Variants in IHO1 observed in about 807,000 individuals in gnomAD.
The protein encoded by IHO1 is interactor of HORMAD1 1, also known as interactor of HORMAD1 protein 1.
In IHO1, 13 loss-of-function variants were observed where a neutral mutation model predicts 31.0. The observed-to-expected ratio is 0.42, with a 90% CI of 0.27 to 0.67. The LOEUF is 0.67. IHO1 is among the 30% of genes least tolerant of loss of function. The pLI, the probability that IHO1 is intolerant of heterozygous loss-of-function variation, is 0.24. For missense variants in IHO1, 599 were observed against 687.5 expected, an observed-to-expected ratio of 0.87 and a Z score of 1.44; for synonymous variants, 221 against 248.4, an observed-to-expected ratio of 0.89 and a Z score of 1.04.
At chr3:49,238,988 C>T (rs572575408) in intron 3 of IHO1, among the ~76,000 whole-genome samples, 7 of 152,282 alleles carry the variant, frequency 4.6e-5, no homozygotes, top group African/African-American at 7.2e-5. Context: ...TGAGTCAGCC[C>T]AGCAAGAGAA....
At chr3:49,241,061 A>G (rs1041347801) in intron 3 of IHO1, among the ~76,000 whole-genome samples, 165 bp from the exon 4 acceptor site, 1 of 152,242 alleles carries the variant, frequency 6.6e-6, no homozygotes, top group Non-Finnish European at 1.5e-5. Flanking sequence ...TTTATTTTAA[A>G]TATAATTTTC....
intron 2 of IHO1, 97 bp from the exon 3 acceptor site, chr3:49,236,451 T>C (rs941060007): frequency 5.2e-5 from 45 of 872,182 alleles, no homozygotes; most frequent in Non-Finnish European, 7.5e-5. Context: ...AAGCTATCAT[T>C]CTGCCCAAAA....
upstream of IHO1, chr3:49,198,872 CCTTTCT>C (rs1417350329): frequency 6.5e-6 from 1 of 152,914 alleles, no homozygotes; most frequent in Admixed American, 6.5e-5. Context: ...TTTCTTGCCT[CCTTTCT>C]CTTTCCTCCA....
Position 49,211,772 on chromosome 3 carries a change from C to T in IHO1, c.-9C>T. ...CACCTATTCTTTCTAATAGGTATAACTATAAGAAATGAATTTTAATGTCTG... is the reference window on the plus strand; with the variant it reads ...CACCTATTCTTTCTAATAGGTATAATTATAAGAAATGAATTTTAATGTCTG... On this transcript the variant is annotated 5_prime_UTR_variant, in exon 2 of 8. Transcript: ENST00000452691. 2 of 1,445,980 alleles carry T rather than the reference C, an allele frequency of 1.4e-6. No individual in the cohort carries two copies. Among genetic ancestry groups the T allele is most frequent in the Non-Finnish European group, 9.7e-7 (1 of 1,028,086 alleles). 89.6% of individuals were successfully genotyped at this position (1,445,980 alleles called of 1,614,324 possible).
chr3:49,255,534 C>A, intron 7 of IHO1, 41 bp downstream of exon 7: 3 of 1,108,748 alleles, frequency 2.7e-6, no homozygotes, highest in Non-Finnish European at 3.9e-6. Context: ...GTGTTTTGGG[C>A]TTTGAACTAG....
chr3:49,192,269 G>A, the IHO1 span, among the ~76,000 whole-genome samples: 10 of 152,192 alleles, frequency 6.6e-5, no homozygotes, highest in Non-Finnish European at 1.5e-4. Context: ...GACCAGGAAT[G>A]CTAATCATGA....
intron 6 of IHO1, among the ~76,000 whole-genome samples, chr3:49,254,189 C>G (rs1449310077): frequency 6.6e-6 from 1 of 152,200 alleles, no homozygotes; most frequent in South Asian, 2.1e-4. Context: ...ATAGTATATG[C>G]TCATTAAACA....
chr3:49,204,009 T>C (rs1379720634), intron 1 of IHO1, among the ~76,000 whole-genome samples: 1 of 152,210 alleles, frequency 6.6e-6, no homozygotes, highest in Non-Finnish European at 1.5e-5. Flanking sequence ...CTAGGTGATT[T>C]AAATAAATTT....
upstream of IHO1, among the ~76,000 whole-genome samples, chr3:49,193,452 A>G (rs2045976213): frequency 6.6e-6 from 1 of 151,920 alleles, no homozygotes; most frequent in Non-Finnish European, 1.5e-5. Flanking sequence ...TAATCCCAGC[A>G]CTTTGGGAGG....
intron 6 of IHO1, among the ~76,000 whole-genome samples, chr3:49,253,144 G>A (rs372627978): frequency 1.3e-5 from 2 of 151,948 alleles, no homozygotes; most frequent in Admixed American, 6.6e-5. Flanking sequence ...TGTATATTTC[G>A]GCCAGGCATG....
At position 49,203,650 on chromosome 3, in the gene IHO1, G is replaced by A. The variant is rs73833527; in HGVS notation, c.-16+4077G>A. ...ACACCCAGTTAAATTTGAATTTAAG[G>A]TAAACAATATTTTTTGTATGTCTCA... is the stretch of plus-strand genomic sequence containing the variant. On this transcript the variant is annotated intron_variant, in intron 1 of 7. Transcript: ENST00000452691. 8.7e-3 allele frequency among the ~76,000 whole-genome samples: 1,325 copies of A among 152,244 alleles called. 21 individuals carry two copies. The highest frequency in any genetic ancestry group is 0.03 in the African/African-American group (1,263 of 41,544).
At chr3:49,191,614 TG>T in the IHO1 span, 1 of 970,416 alleles carries the variant, frequency 1.0e-6, no homozygotes, top group Non-Finnish European at 1.6e-6. Context: ...GGAGAGGAAG[TG>T]GGCGGCTCAG....
At chr3:49,218,639 C>G (rs1413492038) in intron 2 of IHO1, among the ~76,000 whole-genome samples, 1 of 152,092 alleles carries the variant, frequency 6.6e-6, no homozygotes, top group African/African-American at 2.4e-5. Flanking sequence ...CTTGGCCTCT[C>G]AAAGTGCTGG....
chr3:49,200,440 GGGC>G (rs1319619452), intron 1 of IHO1: 61 of 334,696 alleles, frequency 1.8e-4, no homozygotes, highest in East Asian at 1.1e-3. Context: ...ACTCCAGCCT[GGGC>G]GACAGAGTGA....
chr3:49,233,150 G>C (rs760290335), intron 2 of IHO1, among the ~76,000 whole-genome samples: 3 of 152,170 alleles, frequency 2.0e-5, no homozygotes, highest in Non-Finnish European at 4.4e-5. Flanking sequence ...CTCAGTCAGC[G>C]TGCCACGGCC....
rs533730361 is a variant in IHO1 at position 49,213,966 on chromosome 3, G to A, written c.56+2130G>A. 5.5e-4 allele frequency: 229 copies of A among 420,056 alleles called. 1 individual carries two copies. Among genetic ancestry groups the A allele is most frequent in the Middle Eastern group, 1.7e-3 (5 of 2,942 alleles). The allele number at this position is 420,056 out of a possible 1,614,324, so 26.0% of individuals were successfully genotyped here. A position where few individuals can be genotyped will look rare whatever the true frequency, so the allele number is the denominator to read the frequency against. On this transcript the variant is annotated intron_variant, in intron 2 of 7. Coordinates refer to ENST00000452691, the MANE Select transcript of IHO1 (RefSeq NM_001135197.2). ...GGCCAAGGAAGCTCCGAGAGCAAGC[G>A]AGGGCTGCCAGCATGCTGTCACCTC... is the stretch of plus-strand genomic sequence containing the variant.
chr3:49,241,629 A>G (rs952209334), intron 4 of IHO1, among the ~76,000 whole-genome samples: 3 of 146,976 alleles, frequency 2.0e-5, no homozygotes, highest in African/African-American at 7.5e-5. Context: ...TTATAGATTG[A>G]TTTTTTTTTT....
At chr3:49,202,520 TGTGTGTGTGTGTG>T (rs1194720415) in intron 1 of IHO1, among the ~76,000 whole-genome samples, 1 of 145,610 alleles carries the variant, frequency 6.9e-6, no homozygotes, top group African/African-American at 2.5e-5. Context: ...TGTGTGTGTG[TGTGTGTGTGTGTG>T]TGTGTGTGTG....
intron 2 of IHO1, among the ~76,000 whole-genome samples, chr3:49,214,567 G>T (rs2046260861): frequency 8.6e-6 from 1 of 116,022 alleles, no homozygotes; most frequent in Admixed American, 9.8e-5. Flanking sequence ...AATGCTTACA[G>T]TTGATAGGGA....
Sources: gnomAD v4.1 joint callset for allele counts (sites outside exome capture counted in the v4.1 genomes callset) on GRCh38, gnomAD v4.1.1 for gene constraint, MANE v1.5 for transcripts, NCBI Gene and HGNC (gene_info 2026-07-23, HGNC 2026-07-21) for gene names.